The following HNMT variants were observed in gnomAD, a reference collection of about 807,000 sequenced individuals.
HNMT encodes the protein histamine N-methyltransferase.
A neutral mutation model predicts 32.1 loss-of-function variants in HNMT; 30 were observed. That is an observed-to-expected ratio of 0.93 (90% CI 0.70 to 1.27). HNMT has a LOEUF of 1.27. Ranked by LOEUF, HNMT falls within the 50% of genes most tolerant of loss-of-function variation. HNMT has a pLI of 0.00. For synonymous variants in HNMT, 125 were observed against 119.0 expected, an observed-to-expected ratio of 1.05 and a Z score of -0.33; for missense variants, 327 against 346.0, an observed-to-expected ratio of 0.95 and a Z score of 0.43.
chr2:138,013,700 A>C, intron 5 of HNMT, 75 bp from the exon 6 acceptor site: 1 of 1,058,588 alleles, frequency 9.4e-7, no homozygotes, highest in Admixed American at 2.2e-5. Flanking sequence ...TATTCTAAGC[A>C]TCTAGTGTAC....
intron 2 of HNMT, among the ~76,000 whole-genome samples, chr2:137,999,466 T>C (rs1681094914): frequency 6.6e-6 from 1 of 152,164 alleles, no homozygotes; most frequent in Admixed American, 6.6e-5. Context: ...GACTCTCATA[T>C]GCACCTGGAC....
At chr2:137,965,328 C>A (rs914678242) in intron 1 of HNMT, among the ~76,000 whole-genome samples, 3 of 152,046 alleles carry the variant, frequency 2.0e-5, no homozygotes, top group Non-Finnish European at 2.9e-5. Context: ...TAAAGATAAT[C>A]AAATCACCTA....
At chr2:138,013,740 A>G (rs771464121) in intron 5 of HNMT, 35 bp from the exon 6 acceptor site, 1 of 1,530,260 alleles carries the variant, frequency 6.5e-7, no homozygotes, top group South Asian at 1.2e-5. Flanking sequence ...GAAAGAAAGA[A>G]TAAATGAAAG....
rs1156905305 is a variant in HNMT, at chr2:137,993,156, A to T, written c.191-7762A>T. On this transcript the variant is annotated intron_variant, in intron 2 of 5. Transcript: ENST00000280097. Reference sequence around the variant, plus strand: ...CAGAGTGCCTTTTGTCCTCCAAATGATTTCAACCTTTCTCCGTCGGGGTAA... The same window carrying T: ...CAGAGTGCCTTTTGTCCTCCAAATGTTTTCAACCTTTCTCCGTCGGGGTAA... Among the ~76,000 whole-genome samples the T allele has an allele frequency of 3.9e-5, 6 of 152,268 alleles. No individual in the cohort carries two copies. In the East Asian group the frequency reaches 1.2e-3, roughly 29 times the overall value.
chr2:138,004,877 G>A (rs1681284353), intron 4 of HNMT, among the ~76,000 whole-genome samples: 1 of 152,074 alleles, frequency 6.6e-6, no homozygotes, highest in Non-Finnish European at 1.5e-5. Flanking sequence ...TCTGTGCTAT[G>A]GAAGCCAGAA....
intron 2 of HNMT, among the ~76,000 whole-genome samples, chr2:137,977,580 A>G (rs1680324753): frequency 1.3e-5 from 2 of 152,152 alleles, no homozygotes; most frequent in Admixed American, 1.3e-4. Flanking sequence ...ATTAGCTAAT[A>G]ATATATTTTA....
intron 2 of HNMT, chr2:137,991,933 T>A (rs1441271890): frequency 6.6e-6 from 1 of 152,080 alleles, no homozygotes; most frequent in Non-Finnish European, 1.5e-5. Context: ...TCATCAGAAC[T>A]GACTAGGAGG....
chr2:138,001,962 T>C, intron 3 of HNMT, 102 bp from the exon 4 acceptor site: 1 of 851,322 alleles, frequency 1.2e-6, no homozygotes, highest in Non-Finnish European at 1.7e-6. Context: ...GTTCTTTCTA[T>C]CTGTTTGTAT....
chr2:137,977,609 TAAAG>T (rs920022594), intron 2 of HNMT, among the ~76,000 whole-genome samples: 1 of 151,972 alleles, frequency 6.6e-6, no homozygotes, highest in Non-Finnish European at 1.5e-5. Flanking sequence ...ATAAAAAATT[TAAAG>T]AAAAGTTCAA....
intron 2 of HNMT, among the ~76,000 whole-genome samples, chr2:137,989,698 G>T (rs62168715): frequency 0.11 from 17,325 of 152,198 alleles, 1,247 homozygotes; most frequent in Non-Finnish European, 0.16. Context: ...TGGACCCAAA[G>T]TTACCTTTCC....
rs1477541909 is a variant in HNMT, at chr2:138,005,180, A to G, written c.478A>G (p.Ser160Gly). Reference sequence around the variant, plus strand: ...CCCAGCTACCCTGAAATTCTTCCATAGTCTCTTAGGTACCAATGCTAAGAT... The same window carrying G: ...CCCAGCTACCCTGAAATTCTTCCATGGTCTCTTAGGTACCAATGCTAAGAT... ...DIPATLKFFH[S>G]LLGTNAKMLI... The change falls in exon 5 of 6, where the codon AGT becomes GGT. Residue 160 changes from serine (S) to glycine (G), a missense_variant. Coordinates refer to ENST00000280097, the MANE Select transcript of HNMT (RefSeq NM_006895.3). 2.5e-6 allele frequency: 4 copies of G among 1,604,226 alleles called. No individual in the cohort carries two copies. The highest frequency in any genetic ancestry group is 3.4e-6 in the Non-Finnish European group (4 of 1,171,552).
intron 2 of HNMT, among the ~76,000 whole-genome samples, chr2:137,994,989 C>T (rs1351281735): frequency 2.0e-5 from 3 of 152,134 alleles, no homozygotes; most frequent in Non-Finnish European, 4.4e-5. Flanking sequence ...AGACAACATA[C>T]CAGAATCTCT....
intron 2 of HNMT, among the ~76,000 whole-genome samples, chr2:137,976,355 T>C (rs1408985600): frequency 1.3e-3 from 193 of 152,120 alleles, no homozygotes; most frequent in South Asian, 3.5e-3. Context: ...TCTAGTGGTG[T>C]CAGCACAGGT....
intron 2 of HNMT, among the ~76,000 whole-genome samples, chr2:137,973,455 G>T (rs1680194046): frequency 1.3e-5 from 2 of 152,152 alleles, no homozygotes; most frequent in African/African-American, 4.8e-5. Context: ...CCCATGGCTT[G>T]AGTATCCTTC....
chr2:137,986,042 T>G (rs574545275), intron 2 of HNMT, among the ~76,000 whole-genome samples: 198 of 152,062 alleles, frequency 1.3e-3, no homozygotes, highest in African/African-American at 4.5e-3. Context: ...GTACTAGTGT[T>G]AGTGGTAAAT....
intron 1 of HNMT, 128 bp from the exon 2 acceptor site, chr2:137,970,037 G>A (rs3100702): frequency 0.41 from 215,520 of 531,626 alleles, 44,766 homozygotes; most frequent in Middle Eastern, 0.53. Flanking sequence ...ATATAATTGG[G>A]ACATTTCATG....
intron 2 of HNMT, among the ~76,000 whole-genome samples, chr2:137,987,216 C>A (rs1310673746): frequency 2.0e-5 from 3 of 152,058 alleles, no homozygotes; most frequent in Non-Finnish European, 4.4e-5. Context: ...AAATAAGTAG[C>A]CTTCAATCAT....
chr2:137,977,092 T>G (rs531550736), intron 2 of HNMT, among the ~76,000 whole-genome samples: 82 of 152,326 alleles, frequency 5.4e-4, no homozygotes, highest in African/African-American at 1.9e-3. Context: ...TTCTAAAGCC[T>G]TATAATTAAT....
At chr2:137,970,933 A>AAAAGAAAGAAAGAAAGAAAG (rs779617692) in intron 2 of HNMT, among the ~76,000 whole-genome samples, 16 of 86,680 alleles carry the variant, frequency 1.8e-4, no homozygotes, top group African/African-American at 7.1e-4. Flanking sequence ...AAAAAAAAAA[A>AAAAGAAAGAAAGAAAGAAAG]AAAGAAAGAA....
Sources: gnomAD v4.1 joint callset for allele counts (sites outside exome capture counted in the v4.1 genomes callset) on GRCh38, gnomAD v4.1.1 for gene constraint, MANE v1.5 for transcripts, NCBI Gene and HGNC (gene_info 2026-07-23, HGNC 2026-07-21) for gene names.